The following NLRP11 variants were observed in gnomAD, a reference collection of about 807,000 sequenced individuals.
The protein encoded by NLRP11 is NLR family pyrin domain containing 11, also known as NACHT, LRR and PYD domains-containing protein 11.
A neutral mutation model predicts 79.3 loss-of-function variants in NLRP11; 53 were observed. The ratio of observed to expected loss-of-function variants is 0.67; its 90% CI spans 0.54 to 0.84. The LOEUF (loss-of-function observed/expected upper bound fraction) is 0.84. Among genes scored for constraint, NLRP11 ranks in the 40% least tolerant of loss-of-function variants. The pLI is 0.00. For synonymous variants in NLRP11, 518 were observed against 462.6 expected (o/e 1.12, Z -1.54); for missense variants, 1,264 against 1,255.0 (o/e 1.01, Z -0.11).
chr19:55,834,809 C>T (rs1983092269), upstream of NLRP11, among the ~76,000 whole-genome samples: 1 of 152,162 alleles, frequency 6.6e-6, no homozygotes, highest in Non-Finnish European at 1.5e-5. Flanking sequence ...AACAAACTCG[C>T]ATTGATTAAT....
intron 4 of NLRP11, among the ~76,000 whole-genome samples, chr19:55,802,058 T>G (rs1468858941): frequency 2.0e-5 from 3 of 152,152 alleles, no homozygotes; most frequent in Admixed American, 1.3e-4. Flanking sequence ...ATGCACAAGT[T>G]TAACCATGTT....
At chr19:55,792,600 ACTTT>A in intron 6 of NLRP11, 129 bp from the exon 7 acceptor site, 1 of 651,524 alleles carries the variant, frequency 1.5e-6, no homozygotes. Context: ...TCTACCAATG[ACTTT>A]CTTATTTGGA....
At chr19:55,789,619 A>C (rs965911338) in intron 7 of NLRP11, among the ~76,000 whole-genome samples, 1 of 152,244 alleles carries the variant, frequency 6.6e-6, no homozygotes, top group African/African-American at 2.4e-5. Context: ...CAGGGCTCTT[A>C]TCCTGGTTTT....
chr19:55,830,331 G>A (rs1018372713), intron 1 of NLRP11, among the ~76,000 whole-genome samples: 22 of 152,216 alleles, frequency 1.4e-4, no homozygotes, highest in African/African-American at 5.3e-4. Context: ...GAGTTCAGGA[G>A]TCAACTGTAT....
intron 6 of NLRP11, 40 bp from the exon 7 acceptor site, chr19:55,792,511 C>T: frequency 6.3e-7 from 1 of 1,581,992 alleles, no homozygotes; most frequent in South Asian, 1.1e-5. Context: ...AGTGTGAGCA[C>T]CAGAGAGGGG....
chr19:55,836,329 T>C (rs1983278130), upstream of NLRP11: 1 of 152,060 alleles, frequency 6.6e-6, no homozygotes, highest in Non-Finnish European at 1.5e-5. Context: ...GAATTCTCAA[T>C]AGGAACCTCC....
intron 1 of NLRP11, among the ~76,000 whole-genome samples, chr19:55,829,766 C>T (rs970603630): frequency 8.6e-5 from 13 of 151,670 alleles, no homozygotes; most frequent in African/African-American, 3.1e-4. Context: ...AAGGTAACTC[C>T]ACTTTCTTAA....
rs201476127 is a variant in NLRP11, at chr19:55,830,598, T to TAAAAAAAAAAAAAA, written c.-63+1351_-63+1364dup. Among the ~76,000 whole-genome samples, 182 of 129,128 alleles carry TAAAAAAAAAAAAAA rather than the reference T, an allele frequency of 1.4e-3. 6 individuals are homozygous for TAAAAAAAAAAAAAA. In the East Asian group the frequency reaches 0.027, roughly 19 times the overall value. The allele number at this position is 129,128 out of a possible 152,430, so 84.7% of individuals were successfully genotyped here. ...GCCTAGTGATGGCTTCTTAGCTTCCTAAAAAAAAAAAAAAAAATGCAACGT... is the reference window on the plus strand; with the variant it reads ...GCCTAGTGATGGCTTCTTAGCTTCCTAAAAAAAAAAAAAAAAAAAAAAAAAAAAAAATGCAACGT... On this transcript the variant is annotated intron_variant, in intron 1 of 9. Coordinates refer to ENST00000589093, the Ensembl canonical transcript of NLRP11.
intron 1 of NLRP11, among the ~76,000 whole-genome samples, chr19:55,819,247 T>C (rs1198061273): frequency 1.3e-5 from 2 of 151,356 alleles, no homozygotes; most frequent in Admixed American, 6.6e-5. Context: ...CCTGTCCTCC[T>C]GAGTAGGGAC....
chr19:55,831,995 A>G (rs1431981861), upstream of NLRP11: 1 of 152,292 alleles, frequency 6.6e-6, no homozygotes, highest in Non-Finnish European at 1.5e-5. Flanking sequence ...TGGCTGGTCG[A>G]AAGCAAACAA....
chr19:55,799,489 G>A (rs1979263120), intron 5 of NLRP11, among the ~76,000 whole-genome samples: 1 of 151,956 alleles, frequency 6.6e-6, no homozygotes, highest in Non-Finnish European at 1.5e-5. Flanking sequence ...TGACTGAGGA[G>A]GAATAATCAA....
chr19:55,799,112 TAA>T lies in NLRP11; in HGVS notation c.2171+2458_2171+2459del, dbSNP rs543275286. ...CAAAACCCTGTCTCTACCAAAAATA[TAA>T]AAGTTAGCTGGGTGTGGTGGTGTAC... On this transcript the variant is annotated intron_variant, in intron 5 of 9. Coordinates refer to ENST00000589093, the Ensembl canonical transcript of NLRP11. 7.9e-3 allele frequency among the ~76,000 whole-genome samples: 1,202 copies of T among 152,216 alleles called. 11 individuals carry two copies. Among genetic ancestry groups the T allele is most frequent in the Non-Finnish European group, 0.013 (861 of 68,000 alleles).
At position 55,809,187 on chromosome 19, in the gene NLRP11, T is replaced by C; in HGVS notation, c.1423A>G (p.Ser475Gly). The C allele has an allele frequency of 6.2e-7, 1 of 1,613,718 alleles. No individual in the cohort carries two copies. ...TCTCTCTTCTCTTTATACTCTCTGC[T>C]GCCTGAGGGGATCAGATAGTTGGGT... The change falls in exon 3 of 10, where the codon AGC (serine) becomes GGC (glycine). Residue 475 changes from serine to glycine, a missense_variant. Coordinates refer to ENST00000589093, the Ensembl canonical transcript of NLRP11. The surrounding 1 kb of genome is among the most constrained non-coding windows in gnomAD (Gnocchi z 4.5).
At chr19:55,787,063 T>C (rs1989923777) in intron 9 of NLRP11, among the ~76,000 whole-genome samples, 2 of 152,314 alleles carry the variant, frequency 1.3e-5, no homozygotes, top group African/African-American at 2.4e-5. Flanking sequence ...TGAGAAAAAT[T>C]GGACATGAGT....
chr19:55,817,550 T>A (rs1171813510), intron 2 of NLRP11, among the ~76,000 whole-genome samples: 2 of 152,056 alleles, frequency 1.3e-5, no homozygotes, highest in African/African-American at 4.8e-5. Context: ...TAGAGACCAT[T>A]ATTCTAAGTG....
rs563180186 is a variant in NLRP11 at position 55,806,229 on chromosome 19, T to C, written c.2003+1624A>G. Reference sequence around the variant, plus strand: ...CTCAGTCCTTGGCTTTAAATACACATTTGTGTTATACACATGTATACATGA... The same window carrying C: ...CTCAGTCCTTGGCTTTAAATACACACTTGTGTTATACACATGTATACATGA... On this transcript the variant is annotated intron_variant, in intron 4 of 9. Transcript: ENST00000589093. Among the ~76,000 whole-genome samples the C allele has an allele frequency of 2.6e-5, 4 of 152,330 alleles. No homozygotes were observed. In the South Asian group the frequency reaches 8.3e-4, roughly 32 times the overall value.
chr19:55,828,037 C>T (rs1352024880), intron 1 of NLRP11, among the ~76,000 whole-genome samples: 2 of 150,208 alleles, frequency 1.3e-5, no homozygotes, highest in Non-Finnish European at 3.0e-5. Context: ...CAATGATAGA[C>T]TGGATTAAGA....
At chr19:55,807,960 C>A (rs746789862) in exon 4 of NLRP11, 1 of 1,610,924 alleles carries the variant, frequency 6.2e-7, no homozygotes, top group Non-Finnish European at 8.5e-7. Flanking sequence ...GGAGGCTCTC[C>A]ATTGTATAAA....
At chr19:55,827,330 A>G (rs992741899) in intron 1 of NLRP11, among the ~76,000 whole-genome samples, 3 of 141,056 alleles carry the variant, frequency 2.1e-5, no homozygotes, top group African/African-American at 7.7e-5. Flanking sequence ...AAACCTAGGC[A>G]TGACCATTCA....
Sources: allele counts gnomAD v4.1 joint callset (sites outside exome capture counted in the v4.1 genomes callset), GRCh38; gene constraint gnomAD v4.1.1; non-coding constraint Gnocchi (gnomAD v3.1); transcripts MANE v1.5; gene names NCBI Gene and HGNC (gene_info 2026-07-23, HGNC 2026-07-21).